CHL1: variants seen among roughly 807,000 people sequenced by gnomAD.
CHL1 encodes the protein neural cell adhesion molecule L1-like protein.
In CHL1, 96 loss-of-function variants were observed where a neutral mutation model predicts 141.9. The ratio of observed to expected loss-of-function variants is 0.68; its 90% CI spans 0.57 to 0.80. The LOEUF is 0.80. Ranked by LOEUF, CHL1 falls within the 30% of genes least tolerant of loss-of-function variation. The probability of loss-of-function intolerance (pLI) is 0.00; values close to 1 mark genes in which losing one functional copy is unlikely to be tolerated. For missense variants in CHL1, 1,820 were observed against 1,457.2 expected, an observed-to-expected ratio of 1.25 and a Z score of -4.05; for synonymous variants, 613 against 502.2, an observed-to-expected ratio of 1.22 and a Z score of -2.95.
At position 328,084 on chromosome 3, in the gene CHL1, G is replaced by T. The variant is rs1157407952; in HGVS notation, c.198-83G>T. 7 of 1,058,600 alleles carry T rather than the reference G, an allele frequency of 6.6e-6. No homozygotes were observed. In the African/African-American group the frequency reaches 8.1e-5, roughly 12 times the overall value. The allele number at this position is 1,058,600 out of a possible 1,614,324, so 65.6% of individuals were successfully genotyped here. A position where few individuals can be genotyped will look rare whatever the true frequency, so the allele number is the denominator to read the frequency against. ...TTTTATCATAAAATGTCTTGGTTTT[G>T]TCAATTTTATGCAATTGTTAATAAG... On this transcript the variant is annotated intron_variant, in intron 4 of 27. Transcript: ENST00000256509.
chr3:327,796 GT>G (rs1701127517), intron 4 of CHL1, among the ~76,000 whole-genome samples: 1 of 151,880 alleles, frequency 6.6e-6, no homozygotes, highest in South Asian at 2.1e-4. Flanking sequence ...GGGCTTATCT[GT>G]TTTGGGATTT....
chr3:244,464 T>C (rs1692969753), intron 1 of CHL1, 149 bp from the exon 2 acceptor site: 1 of 152,184 alleles, frequency 6.6e-6, no homozygotes, highest in Non-Finnish European at 1.5e-5. Flanking sequence ...AGCAATACTA[T>C]AGCTTAGGTA....
chr3:317,028 G>A (rs897091924), intron 2 of CHL1, among the ~76,000 whole-genome samples: 2 of 151,968 alleles, frequency 1.3e-5, no homozygotes, highest in African/African-American at 4.8e-5. Context: ...AGCTATTTTG[G>A]AGCTTTCATC....
Position 355,384 on chromosome 3 carries a change from G to A in CHL1, c.1165+613G>A, listed in dbSNP as rs142378911. 1.4e-3 allele frequency among the ~76,000 whole-genome samples: 206 copies of A among 152,264 alleles called. 1 individual carries two copies. Among genetic ancestry groups the A allele is most frequent in the African/African-American group, 4.7e-3 (196 of 41,538 alleles). On this transcript the variant is annotated intron_variant, in intron 11 of 27. Transcript: ENST00000256509. ...TGAGCCCACTCCAAATGGGCTGGGC[G>A]GGGAAAGACAGGAATGGCCCAGCAC...
chr3:353,509 C>G (rs566059243), intron 10 of CHL1, among the ~76,000 whole-genome samples: 1 of 152,114 alleles, frequency 6.6e-6, no homozygotes, highest in Non-Finnish European at 1.5e-5. Flanking sequence ...AGATATTTAA[C>G]TTGGAATTTA....
In CHL1 at chr3:389,445, A is replaced by C; in HGVS notation, c.2441A>C (p.Gln814Pro). Residue 814 changes from glutamine (Q) to proline (P), a missense_variant, in exon 20 of 28, where the codon CAG (glutamine) becomes CCG (proline). Transcript: ENST00000256509. ...INQLGSGPDP[Q>P]SVTLYSGEDY... ...CAACTAGGATCTGGGCCTGACCCTC[A>C]GTCAGTGACTCTCTATTCTGGAGAA... 1.9e-6 allele frequency: 3 copies of C among 1,614,204 alleles called. No homozygotes were observed. The highest frequency in any genetic ancestry group is 2.5e-6 in the Non-Finnish European group (3 of 1,180,014).
chr3:325,094 G>T (rs1575071392), intron 3 of CHL1, among the ~76,000 whole-genome samples: 1 of 150,880 alleles, frequency 6.6e-6, no homozygotes, highest in African/African-American at 2.4e-5. Flanking sequence ...GTGAGAAAAG[G>T]TTATAAAATG....
chr3:208,901 G>C (rs1473971630), intron 1 of CHL1, among the ~76,000 whole-genome samples: 1 of 152,116 alleles, frequency 6.6e-6, no homozygotes, highest in Non-Finnish European at 1.5e-5. Context: ...CTATATAGAT[G>C]TCCTAAAATA....
chr3:209,325 T>C (rs2124888690), intron 1 of CHL1, among the ~76,000 whole-genome samples: 1 of 152,256 alleles, frequency 6.6e-6, no homozygotes, highest in African/African-American at 2.4e-5. Flanking sequence ...ACAAAATAAG[T>C]TACATTTAAT....
chr3:197,981 C>G, intron 1 of CHL1: 3 of 364,718 alleles, frequency 8.2e-6, no homozygotes, highest in South Asian at 6.1e-5. Context: ...GCCAGCCCCT[C>G]CGTTCCCACT....
chr3:234,136 A>G (rs577389213), intron 1 of CHL1, among the ~76,000 whole-genome samples: 92 of 152,060 alleles, frequency 6.1e-4, no homozygotes, highest in South Asian at 2.7e-3. Flanking sequence ...GGAAGGAAAT[A>G]CACTAAAATA....
rs1216149239 is a variant in CHL1, at chr3:344,718, C to A, written c.848+9C>A. 2 of 1,612,876 alleles carry A rather than the reference C, an allele frequency of 1.2e-6. No individual in the cohort carries two copies. Among genetic ancestry groups the A allele is most frequent in the Non-Finnish European group, 1.7e-6 (2 of 1,179,508 alleles). ...TGTTTTGCTGAAGGCTTGTGAGTAACCTGACTCTCACTCATGACTTTGTCC... is the reference window on the plus strand; with the variant it reads ...TGTTTTGCTGAAGGCTTGTGAGTAAACTGACTCTCACTCATGACTTTGTCC... On this transcript the variant is annotated intron_variant, in intron 9 of 27. Coordinates refer to ENST00000256509, the MANE Select transcript of CHL1 (RefSeq NM_006614.4).
At chr3:348,562 C>G (rs1181129931) in intron 9 of CHL1, among the ~76,000 whole-genome samples, 1 of 152,140 alleles carries the variant, frequency 6.6e-6, no homozygotes, top group Non-Finnish European at 1.5e-5. Flanking sequence ...CTTAATGTAG[C>G]TGCCTTGACT....
intron 1 of CHL1, among the ~76,000 whole-genome samples, chr3:218,054 C>T (rs185696404): frequency 2.8e-4 from 43 of 152,214 alleles, no homozygotes; most frequent in Non-Finnish European, 5.0e-4. Context: ...AATTATAACC[C>T]ACAGCCCCTG....
At chr3:366,401 G>T (rs1704888082) in intron 15 of CHL1, among the ~76,000 whole-genome samples, 1 of 151,798 alleles carries the variant, frequency 6.6e-6, no homozygotes, top group African/African-American at 2.4e-5. Context: ...AACTCAGGAG[G>T]CGGAGGTTGT....
intron 3 of CHL1, among the ~76,000 whole-genome samples, chr3:322,308 A>AC (rs1370450756): frequency 6.6e-6 from 1 of 151,790 alleles, no homozygotes; most frequent in Non-Finnish European, 1.5e-5. Context: ...AAAATTAAAA[A>AC]AATAGAATTA....
intron 2 of CHL1, chr3:247,883 T>A (rs1226901487): frequency 6.6e-6 from 1 of 152,166 alleles, no homozygotes; most frequent in Non-Finnish European, 1.5e-5. Flanking sequence ...TCTTCAGCAA[T>A]GATGCTACCC....
chr3:281,655 G>A (rs1478631816), intron 2 of CHL1, among the ~76,000 whole-genome samples: 1 of 151,252 alleles, frequency 6.6e-6, no homozygotes, highest in African/African-American at 2.4e-5. Flanking sequence ...TGTCTCCTGG[G>A]TTCAAGCGAT....
At chr3:238,662 C>T (rs555445516) in intron 1 of CHL1, among the ~76,000 whole-genome samples, 15 of 152,084 alleles carry the variant, frequency 9.9e-5, no homozygotes, top group South Asian at 8.3e-4. Flanking sequence ...CAGTGGCTCA[C>T]GCCTATAATC....
Sources: gnomAD v4.1 joint callset for allele counts (sites outside exome capture counted in the v4.1 genomes callset) on GRCh38, gnomAD v4.1.1 for gene constraint, MANE v1.5 for transcripts, NCBI Gene and HGNC (gene_info 2026-07-23, HGNC 2026-07-21) for gene names.